The following SERPINA4 variants were observed in gnomAD, a reference collection of about 807,000 sequenced individuals.
The protein encoded by SERPINA4 is serpin family A member 4, also known as kallistatin.
Under a neutral mutation model 25.4 loss-of-function variants are expected in SERPINA4, and 24 were observed. That is an observed-to-expected ratio of 0.95 (90% confidence interval 0.69 to 1.33). The LOEUF is 1.33. SERPINA4 is among the 40% of genes most tolerant of loss of function. SERPINA4 has a pLI of 0.00. For missense variants in SERPINA4, 553 were observed against 535.8 expected (o/e 1.03, Z -0.32); for synonymous variants, 242 against 223.6 (o/e 1.08, Z -0.73).
intron 2 of SERPINA4, among the ~76,000 whole-genome samples, chr14:94,564,947 C>T (rs1012238147): frequency 2.0e-5 from 3 of 152,242 alleles, no homozygotes; most frequent in Admixed American, 2.0e-4. Flanking sequence ...CTTCCATTCA[C>T]ACACATATAT....
intron 1 of SERPINA4, chr14:94,561,901 T>A: frequency 7.8e-7 from 1 of 1,284,004 alleles, no homozygotes; most frequent in Non-Finnish European, 1.0e-6. Flanking sequence ...AACTGCTGAG[T>A]GGAGAACAGA....
At chr14:94,562,621 C>CCAAA (rs1408381971) in intron 1 of SERPINA4, among the ~76,000 whole-genome samples, 1 of 151,928 alleles carries the variant, frequency 6.6e-6, no homozygotes, top group Non-Finnish European at 1.5e-5. Context: ...AAACAAACAA[C>CCAAA]CAAACAAACA....
At chr14:94,564,389 A>G (rs982948993) in intron 2 of SERPINA4, among the ~76,000 whole-genome samples, 1 of 152,224 alleles carries the variant, frequency 6.6e-6, no homozygotes, top group African/African-American at 2.4e-5. Flanking sequence ...GCCAGTGATC[A>G]TTAGTTGAAT....
chr14:94,565,010 G>C (rs527518568), intron 2 of SERPINA4, among the ~76,000 whole-genome samples: 1 of 152,292 alleles, frequency 6.6e-6, no homozygotes, highest in South Asian at 2.1e-4. Flanking sequence ...GTGTGTATTA[G>C]CCAGGGTTTC....
In SERPINA4 at chr14:94,563,821, T is replaced by G. The variant is rs765961793; in HGVS notation, c.339T>G (p.Ser113=). ...EGLGFNLTEL[S]ESDVHRGFQH... is the part of the protein sequence containing the mutation. ...TGGGCTTCAACCTCACCGAGCTGTCTGAGTCCGATGTCCATAGGGGCTTCC... is the reference window on the plus strand; with the variant it reads ...TGGGCTTCAACCTCACCGAGCTGTCGGAGTCCGATGTCCATAGGGGCTTCC... The change falls in exon 2 of 5, where the codon TCT becomes TCG. Residue 113 remains serine (S), a synonymous_variant. Coordinates refer to ENST00000557004, the MANE Select transcript of SERPINA4 (RefSeq NM_006215.4). 11 of 1,614,104 alleles carry G rather than the reference T, an allele frequency of 6.8e-6. No homozygotes were observed. In the Admixed American group the frequency reaches 1.8e-4, roughly 27 times the overall value.
chr14:94,568,093 C>A lies in SERPINA4; in HGVS notation c.924-36C>A, dbSNP rs773844005. ...TGCCCAGCAGGGATCCTGGCTTGTTCATTAATCTAATGTTCTAACTCAATG... is the reference window on the plus strand; with the variant it reads ...TGCCCAGCAGGGATCCTGGCTTGTTAATTAATCTAATGTTCTAACTCAATG... On this transcript the variant is annotated intron_variant, in intron 3 of 4. Coordinates refer to ENST00000557004, the MANE Select transcript of SERPINA4 (RefSeq NM_006215.4). The A allele has an allele frequency of 1.9e-6, 3 of 1,610,806 alleles. No homozygotes were observed. In the South Asian group the frequency reaches 3.3e-5, roughly 18 times the overall value.
At chr14:94,561,760 G>C in intron 1 of SERPINA4, 4 of 1,289,790 alleles carry the variant, frequency 3.1e-6, no homozygotes, top group Non-Finnish European at 4.0e-6. Flanking sequence ...CACACAGCTG[G>C]TACAGGGCGG....
chr14:94,563,368 C>T (rs964902592), intron 1 of SERPINA4, 98 bp from the exon 2 acceptor site: 1 of 1,262,284 alleles, frequency 7.9e-7, no homozygotes, highest in Non-Finnish European at 1.1e-6. Context: ...TTGAGGGTGT[C>T]ACTCACGATC....
intron 4 of SERPINA4, 112 bp from the exon 5 acceptor site, chr14:94,569,283 C>T (rs2139908934): frequency 2.1e-6 from 2 of 969,800 alleles, no homozygotes; most frequent in East Asian, 2.6e-5. Context: ...AAGAAATGGC[C>T]TTGCAGGCTG....
chr14:94,565,768 G>A (rs908551456), intron 2 of SERPINA4, among the ~76,000 whole-genome samples: 1 of 152,048 alleles, frequency 6.6e-6, no homozygotes, highest in Non-Finnish European at 1.5e-5. Context: ...TGAGGCAGGA[G>A]AATCGCTTGA....
At position 94,561,736 on chromosome 14, in the gene SERPINA4, G is replaced by A. The variant is rs1229915555; in HGVS notation, c.-18+242G>A. On this transcript the variant is annotated intron_variant, in intron 1 of 4. Transcript: ENST00000557004. ...TGACTATGCCCGGAGACCCAGAAAAGCCTCCCCCAGGGACACACAGCTGGT... is the reference window on the plus strand; with the variant it reads ...TGACTATGCCCGGAGACCCAGAAAAACCTCCCCCAGGGACACACAGCTGGT... 4.7e-6 allele frequency: 6 copies of A among 1,289,640 alleles called. No homozygotes were observed. The East Asian group carries it at 2.8e-4, about 60-fold the overall frequency. The allele number at this position is 1,289,640 out of a possible 1,614,324, so 79.9% of individuals were successfully genotyped here.
chr14:94,561,805 T>G, intron 1 of SERPINA4: 2 of 1,289,808 alleles, frequency 1.6e-6, no homozygotes, highest in South Asian at 1.2e-5. Flanking sequence ...TGGCTGCCAA[T>G]CCAGGTGATC....
intron 3 of SERPINA4, among the ~76,000 whole-genome samples, chr14:94,567,710 A>G (rs889004678): frequency 6.6e-6 from 1 of 152,260 alleles, no homozygotes; most frequent in African/African-American, 2.4e-5. Context: ...AAAGGATCCT[A>G]GCCCAAGGGC....
At chr14:94,568,939 T>C (rs1438580226) in intron 4 of SERPINA4, among the ~76,000 whole-genome samples, 3 of 151,436 alleles carry the variant, frequency 2.0e-5, no homozygotes, top group Non-Finnish European at 4.4e-5. Flanking sequence ...TGGGTGCGTC[T>C]GTATTAGGGA....
intron 1 of SERPINA4, among the ~76,000 whole-genome samples, chr14:94,562,027 T>C (rs1566828061): frequency 6.6e-6 from 1 of 152,090 alleles, no homozygotes; most frequent in Non-Finnish European, 1.5e-5. Context: ...ATGTAAAATA[T>C]AAATATAAAA....
At chr14:94,565,679 C>T (rs1411121653) in intron 2 of SERPINA4, among the ~76,000 whole-genome samples, 1 of 118,924 alleles carries the variant, frequency 8.4e-6, no homozygotes, top group Non-Finnish European at 1.7e-5. Context: ...AACCCTGTCT[C>T]TACTAAAAAT....
chr14:94,565,677 C>G lies in SERPINA4; in HGVS notation c.650-1293C>G, dbSNP rs969981272. Among the ~76,000 whole-genome samples the G allele has an allele frequency of 1.1e-3, 137 of 127,688 alleles. 1 individual carries two copies. Among genetic ancestry groups the G allele is most frequent in the African/African-American group, 4.2e-3 (132 of 31,452 alleles). 83.8% of individuals were successfully genotyped at this position (127,688 alleles called of 152,430 possible). A position where few individuals can be genotyped will look rare whatever the true frequency, so the allele number is the denominator to read the frequency against. ...CCCGGCCAACATGGCAAAACCCTGTCTCTACTAAAAATACAAAAAAAAAAA... is the reference window on the plus strand; with the variant it reads ...CCCGGCCAACATGGCAAAACCCTGTGTCTACTAAAAATACAAAAAAAAAAA... On this transcript the variant is annotated intron_variant, in intron 2 of 4. Transcript: ENST00000557004.
chr14:94,566,997 C>T lies in SERPINA4; in HGVS notation c.677C>T (p.Ser226Leu). 6.2e-7 allele frequency: 1 copy of T among 1,614,090 alleles called. No homozygotes were observed. Among genetic ancestry groups the T allele is most frequent in the Non-Finnish European group, 8.5e-7 (1 of 1,179,966 alleles). Reference sequence around the variant, plus strand: ...CTGTGGGAGAAACCATTCATTTCCTCAAGGACCACTCCCAAAGACTTCTAT... The same window carrying T: ...CTGTGGGAGAAACCATTCATTTCCTTAAGGACCACTCCCAAAGACTTCTAT... The part of the protein sequence containing the change: ...KALWEKPFIS[S>L]RTTPKDFYVD... The change falls in exon 3 of 5, where the codon TCA becomes TTA. Residue 226 changes from serine to leucine, a missense_variant. By Grantham distance (145) the Ser-to-Leu change is moderately radical. Coordinates refer to ENST00000557004, the MANE Select transcript of SERPINA4 (RefSeq NM_006215.4).
intron 2 of SERPINA4, among the ~76,000 whole-genome samples, chr14:94,564,695 T>C (rs1363047601): frequency 6.6e-6 from 1 of 152,246 alleles, no homozygotes; most frequent in Non-Finnish European, 1.5e-5. Context: ...GTTGATTCAT[T>C]ACTGCAGAGA....
Sources: allele counts gnomAD v4.1 joint callset (sites outside exome capture counted in the v4.1 genomes callset), GRCh38; gene constraint gnomAD v4.1.1; transcripts MANE v1.5; gene names NCBI Gene and HGNC (gene_info 2026-07-23, HGNC 2026-07-21).